Variants in SNX30 observed in about 807,000 individuals in gnomAD.
The protein encoded by SNX30 is sorting nexin family member 30.
A neutral mutation model predicts 46.4 loss-of-function variants in SNX30; 24 were observed. The observed-to-expected ratio is 0.52, with a 90% CI of 0.37 to 0.73. SNX30 has a LOEUF of 0.73. Ranked by LOEUF, SNX30 falls within the 30% of genes least tolerant of loss-of-function variation. The pLI, the probability that SNX30 is intolerant of heterozygous loss-of-function variation, is 0.00. For synonymous variants in SNX30, 189 were observed against 211.5 expected, an observed-to-expected ratio of 0.89 and a Z score of 0.92; for missense variants, 533 against 555.7, an observed-to-expected ratio of 0.96 and a Z score of 0.41.
rs11288719 is a variant in SNX30, at chr9:112,778,891, T to TG, written c.157-25874dup. 6.9e-3 allele frequency among the ~76,000 whole-genome samples: 907 copies of TG among 130,922 alleles called. 10 individuals carry two copies. Among genetic ancestry groups the TG allele is most frequent in the Admixed American group, 0.035 (461 of 13,250 alleles). The allele number at this position is 130,922 out of a possible 152,430, so 85.9% of individuals were successfully genotyped here. On this transcript the variant is annotated intron_variant, in intron 1 of 8. Transcript: ENST00000374232. Reference sequence around the variant, plus strand: ...GGTACAGGGGCATGATGAGAGAACTTGGGGGGGGGGGATTTGCACAGCCCA... The same window carrying TG: ...GGTACAGGGGCATGATGAGAGAACTTGGGGGGGGGGGGATTTGCACAGCCCA...
At chr9:112,823,919 G>C (rs577622853) in intron 3 of SNX30, among the ~76,000 whole-genome samples, 1 of 152,282 alleles carries the variant, frequency 6.6e-6, no homozygotes, top group South Asian at 2.1e-4. Context: ...TTGGTGACAA[G>C]CTTTTAATCT....
At chr9:112,768,732 C>T (rs1839594431) in intron 1 of SNX30, among the ~76,000 whole-genome samples, 1 of 143,974 alleles carries the variant, frequency 6.9e-6, no homozygotes, top group African/African-American at 2.6e-5. Flanking sequence ...TCTTGGCTCG[C>T]TGCAGCCTCT....
intron 8 of SNX30, 100 bp from the exon 9 acceptor site, chr9:112,868,684 C>T: frequency 1.6e-6 from 2 of 1,248,422 alleles, no homozygotes; most frequent in Admixed American, 3.4e-5. Context: ...AAAGGTAACC[C>T]AGCAGGATCG....
intron 1 of SNX30, among the ~76,000 whole-genome samples, chr9:112,769,299 TC>T (rs1411100164): frequency 6.6e-6 from 1 of 152,208 alleles, no homozygotes; most frequent in African/African-American, 2.4e-5. Flanking sequence ...CTTTTGATCC[TC>T]CCTTCACTTG....
chr9:112,854,195 G>T (rs541535153), intron 7 of SNX30, among the ~76,000 whole-genome samples: 3 of 152,368 alleles, frequency 2.0e-5, no homozygotes, highest in Non-Finnish European at 4.4e-5. Flanking sequence ...TGCCTGGCTT[G>T]CTGGCTGCTG....
chr9:112,770,016 T>TC (rs1839620127), intron 1 of SNX30, among the ~76,000 whole-genome samples: 1 of 152,122 alleles, frequency 6.6e-6, no homozygotes, highest in African/African-American at 2.4e-5. Flanking sequence ...ACTGCTGTCA[T>TC]CCCCTCTTGC....
rs545880171 is a variant in SNX30, at chr9:112,766,077, C to T, written c.156+14920C>T. ...TCGGCCTCCCAAAGTGCTGGGATTA[C>T]GGGTGTGAGCCACCACGCCCAGCCT... On this transcript the variant is annotated intron_variant, in intron 1 of 8. Transcript: ENST00000374232. Among the ~76,000 whole-genome samples the T allele has an allele frequency of 1.4e-4, 22 of 152,260 alleles. No homozygotes were observed. The South Asian group carries it at 1.7e-3, about 11-fold the overall frequency.
In SNX30 at chr9:112,841,398, C is replaced by A. The variant is rs533114130; in HGVS notation, c.1014+2701C>A. ...ACATTTGTTTGCTCTTTCTTTACCCCCCATGTGTGGGGCATATGTATGGAG... is the reference window on the plus strand; with the variant it reads ...ACATTTGTTTGCTCTTTCTTTACCCACCATGTGTGGGGCATATGTATGGAG... On this transcript the variant is annotated intron_variant, in intron 6 of 8. Transcript: ENST00000374232. 7.2e-5 allele frequency among the ~76,000 whole-genome samples: 11 copies of A among 152,302 alleles called. No homozygotes were observed. The South Asian group carries it at 2.3e-3, about 32-fold the overall frequency.
chr9:112,842,024 A>C (rs1340088037), intron 6 of SNX30, among the ~76,000 whole-genome samples: 1 of 151,966 alleles, frequency 6.6e-6, no homozygotes, highest in Non-Finnish European at 1.5e-5. Context: ...GCTCACTGCA[A>C]CCTCCACCTC....
At chr9:112,749,963 A>G (rs1030104081), upstream of SNX30, among the ~76,000 whole-genome samples, 1 of 152,238 alleles carries the variant, frequency 6.6e-6, no homozygotes, top group Non-Finnish European at 1.5e-5. Flanking sequence ...CTACACCCCA[A>G]AGGGCTGGAA....
intron 3 of SNX30, among the ~76,000 whole-genome samples, chr9:112,821,938 G>A (rs1165673830): frequency 6.6e-6 from 1 of 152,076 alleles, no homozygotes; most frequent in East Asian, 1.9e-4. Flanking sequence ...CACCATGCCT[G>A]GCTGGTTTTT....
At chr9:112,778,669 A>T (rs1165738912) in intron 1 of SNX30, among the ~76,000 whole-genome samples, 1 of 152,256 alleles carries the variant, frequency 6.6e-6, no homozygotes, top group Non-Finnish European at 1.5e-5. Flanking sequence ...TGGCCAGGTC[A>T]CATGACAGAT....
intron 1 of SNX30, among the ~76,000 whole-genome samples, chr9:112,778,270 CTTTTT>C (rs1001151120): frequency 1.6e-5 from 2 of 123,346 alleles, no homozygotes; most frequent in African/African-American, 2.9e-5. Flanking sequence ...GGCCATATTC[CTTTTT>C]TTTTTTTTTT....
chr9:112,795,747 C>G, intron 1 of SNX30, among the ~76,000 whole-genome samples: 1 of 132,088 alleles, frequency 7.6e-6, no homozygotes, highest in Non-Finnish European at 1.6e-5. Flanking sequence ...TAATCACACA[C>G]ACACACTCAC....
downstream of SNX30, among the ~76,000 whole-genome samples, chr9:112,881,963 G>T (rs533187359): frequency 6.6e-6 from 1 of 152,312 alleles, no homozygotes; most frequent in East Asian, 1.9e-4. Context: ...GGATGGAGAA[G>T]GGAGAAGAGT....
chr9:112,833,130 C>G (rs1253747388), intron 4 of SNX30, among the ~76,000 whole-genome samples: 1 of 152,084 alleles, frequency 6.6e-6, no homozygotes, highest in Non-Finnish European at 1.5e-5. Flanking sequence ...ATTAGTTATG[C>G]AGCTCATCTT....
intron 1 of SNX30, among the ~76,000 whole-genome samples, chr9:112,798,121 C>CTTTTTTTTTTTTTTTTTTTTTTTT (rs57300324): frequency 1.3e-5 from 1 of 77,884 alleles, no homozygotes; most frequent in Non-Finnish European, 2.4e-5. Context: ...TTTTTTTTTT[C>CTTTTTTTTTTTTTTTTTTTTTTTT]TTTTTTTTTT....
chr9:112,884,380 G>A (rs1841619803), downstream of SNX30, among the ~76,000 whole-genome samples: 2 of 152,210 alleles, frequency 1.3e-5, no homozygotes, highest in Non-Finnish European at 2.9e-5. Context: ...GGTCTTTCCT[G>A]TTGCTCTCCC....
intron 1 of SNX30, among the ~76,000 whole-genome samples, chr9:112,780,011 G>A (rs923765204): frequency 5.3e-5 from 8 of 152,148 alleles, no homozygotes; most frequent in Non-Finnish European, 1.2e-4. Flanking sequence ...GGCCTAGGAC[G>A]GGGCTGACTG....
Sources: gnomAD v4.1 joint callset for allele counts (sites outside exome capture counted in the v4.1 genomes callset) on GRCh38, gnomAD v4.1.1 for gene constraint, MANE v1.5 for transcripts, NCBI Gene and HGNC (gene_info 2026-07-23, HGNC 2026-07-21) for gene names.